Variants in ARRDC1 observed in about 807,000 individuals in gnomAD.
ARRDC1 encodes arrestin domain containing 1, also known as arrestin domain-containing protein 1.
In ARRDC1, 37 loss-of-function variants were observed where a neutral mutation model predicts 40.1. The ratio of observed to expected loss-of-function variants is 0.92; its 90% CI spans 0.71 to 1.21. The LOEUF is 1.21. ARRDC1 is among the 50% of genes most tolerant of loss of function. The pLI, the probability that ARRDC1 is intolerant of heterozygous loss-of-function variation, is 0.00. For synonymous variants in ARRDC1, 310 were observed against 262.5 expected, an observed-to-expected ratio of 1.18 and a Z score of -1.75; for missense variants, 641 against 581.9, an observed-to-expected ratio of 1.10 and a Z score of -1.04.
intron 1 of ARRDC1, among the ~76,000 whole-genome samples, chr9:137,608,152 T>C (rs1179726572): frequency 6.6e-6 from 1 of 151,994 alleles, no homozygotes; most frequent in East Asian, 1.9e-4. Context: ...CCGGCTAATT[T>C]GTGTATTTTT....
chr9:137,615,155 C>T lies in ARRDC1; in HGVS notation c.*17C>T. The T allele has an allele frequency of 6.6e-7, 1 of 1,518,778 alleles. No homozygotes were observed. The highest frequency in any genetic ancestry group is 8.8e-7 in the Non-Finnish European group (1 of 1,134,016). 94.1% of individuals were successfully genotyped at this position (1,518,778 alleles called of 1,614,324 possible). On this transcript the variant is annotated 3_prime_UTR_variant, in exon 8 of 8. Transcript: ENST00000371421. ...GAGAGCTGACCCCGTGCTGCCTTCT[C>T]CAGGCAGGCCTGGCCTCTGCCCTGG...
intron 1 of ARRDC1, among the ~76,000 whole-genome samples, chr9:137,610,883 G>C (rs1479319064): frequency 1.3e-5 from 2 of 152,110 alleles, no homozygotes; most frequent in Non-Finnish European, 1.5e-5. Flanking sequence ...TTTTAGTAGA[G>C]ATGGGGTTTC....
Position 137,613,026 on chromosome 9 carries a change from C to A in ARRDC1, c.229+20C>A. 1.3e-6 allele frequency: 2 copies of A among 1,592,130 alleles called. No homozygotes were observed. The highest frequency in any genetic ancestry group is 2.2e-5 in the East Asian group (1 of 44,678). On this transcript the variant is annotated intron_variant, in intron 2 of 7. Coordinates refer to ENST00000371421, the MANE Select transcript of ARRDC1 (RefSeq NM_152285.4). ...ACAAGGGTAAGTTTGGGAGCCAGTT[C>A]CCGAGTGGTGACCCCTGGGGGCAGC...
rs1309469247 is a variant in ARRDC1, at chr9:137,614,424, C to T, written c.744C>T (p.Pro248=). The T allele has an allele frequency of 6.2e-7, 1 of 1,613,294 alleles. No homozygotes were observed. The highest frequency in any genetic ancestry group is 8.5e-7 in the Non-Finnish European group (1 of 1,179,942). ...WHEQILVPAL[P]QSALPGCSLI... Reference sequence around the variant, plus strand: ...AGCAGATCCTGGTGCCTGCCTTGCCCCAGTCGGCCCTGCCGGGCTGCAGCC... The same window carrying T: ...AGCAGATCCTGGTGCCTGCCTTGCCTCAGTCGGCCCTGCCGGGCTGCAGCC... The change falls in exon 6 of 8, where the codon CCC becomes CCT. Residue 248 remains proline (P), a synonymous_variant. Transcript: ENST00000371421.
chr9:137,611,278 G>A (rs900337179), intron 1 of ARRDC1, among the ~76,000 whole-genome samples: 2 of 152,194 alleles, frequency 1.3e-5, no homozygotes, highest in Non-Finnish European at 2.9e-5. Context: ...GCTGGGTACC[G>A]TGGCTCATGC....
chr9:137,611,139 G>A (rs958181215), intron 1 of ARRDC1, among the ~76,000 whole-genome samples: 2 of 152,210 alleles, frequency 1.3e-5, no homozygotes, highest in Non-Finnish European at 2.9e-5. Context: ...ATGCCCATGT[G>A]CTTCTGTTGG....
At position 137,613,414 on chromosome 9, in the gene ARRDC1, C is replaced by T. The variant is rs532765467; in HGVS notation, c.230-46C>T. ...ATCCTGGCCCTGTGGCCACCTCAGG[C>T]CACCTCAGGGGGGGACTGCCCCCCA... On this transcript the variant is annotated intron_variant, in intron 2 of 7. Transcript: ENST00000371421. The T allele has an allele frequency of 6.9e-6, 11 of 1,590,202 alleles. No homozygotes were observed. In the South Asian group the frequency reaches 1.0e-4, roughly 15 times the overall value.
At position 137,614,298 on chromosome 9, in the gene ARRDC1, GA is replaced by G; in HGVS notation, c.621del (p.Val208CysfsTer61). The G allele has an allele frequency of 1.3e-6, 2 of 1,589,570 alleles. No individual in the cohort carries two copies. The highest frequency in any genetic ancestry group is 1.7e-4 in the Middle Eastern group (1 of 5,922). On this transcript the variant is annotated frameshift_variant and splice_region_variant, in exon 6 of 8. Coordinates refer to ENST00000371421, the MANE Select transcript of ARRDC1 (RefSeq NM_152285.4). LOFTEE classifies it high-confidence loss of function. ...TSPVVASLLQ[K>X]VSYKAKRWIH... ...AGGCTCACAGGCTGGTCCTTCCCCA[GA>G]AAGTGTCCTATAAGGCCAAGCGCTG... is the stretch of plus-strand genomic sequence containing the variant.
chr9:137,613,361 G>A (rs1484190432), intron 2 of ARRDC1, 99 bp from the exon 3 acceptor site: 1 of 1,338,858 alleles, frequency 7.5e-7, no homozygotes, highest in Non-Finnish European at 1.0e-6. Flanking sequence ...GACCCAGTGT[G>A]AGCTGGTCAG....
At chr9:137,607,335 C>T (rs1842441086) in intron 1 of ARRDC1, among the ~76,000 whole-genome samples, 1 of 152,192 alleles carries the variant, frequency 6.6e-6, no homozygotes, top group African/African-American at 2.4e-5. Flanking sequence ...TAGGGAGGCC[C>T]TCAGCCCCCA....
intron 1 of ARRDC1, chr9:137,611,910 G>A (rs1382932632): frequency 6.6e-6 from 1 of 152,326 alleles, no homozygotes; most frequent in Non-Finnish European, 1.5e-5. Flanking sequence ...TCGGCACACC[G>A]GTACTCCTCC....
At chr9:137,610,451 A>C (rs919426042) in intron 1 of ARRDC1, among the ~76,000 whole-genome samples, 1 of 151,698 alleles carries the variant, frequency 6.6e-6, no homozygotes, top group Non-Finnish European at 1.5e-5. Flanking sequence ...GCTAAAGTGC[A>C]TTTGTGCGAT....
intron 1 of ARRDC1, chr9:137,611,913 ACTC>A (rs894826348): frequency 6.6e-6 from 1 of 152,166 alleles, no homozygotes; most frequent in East Asian, 1.9e-4. Context: ...GCACACCGGT[ACTC>A]CTCCTGCCTG....
In ARRDC1 at chr9:137,612,936, C is replaced by G. The variant is rs370344956; in HGVS notation, c.159C>G (p.Asn53Lys). ...GCATAGGTTCCTGCGGGGTCTCCAA[C>G]AAGGCTAATGACACAGCGTGGGTAG... ...VTCIGSCGVSNKANDTAWVVE... is the reference protein window; with the variant it reads ...VTCIGSCGVSKKANDTAWVVE... The change falls in exon 2 of 8, where the codon AAC becomes AAG. Residue 53 changes from asparagine (N) to lysine (K), a missense_variant. Asn to Lys is a moderately conservative substitution (Grantham distance 94). Coordinates refer to ENST00000371421, the MANE Select transcript of ARRDC1 (RefSeq NM_152285.4). 9.9e-6 allele frequency: 16 copies of G among 1,614,066 alleles called. No individual in the cohort carries two copies. The highest frequency in any genetic ancestry group is 4.0e-5 in the African/African-American group (3 of 74,948).
chr9:137,610,858 C>T (rs945356540), intron 1 of ARRDC1, among the ~76,000 whole-genome samples: 4 of 152,142 alleles, frequency 2.6e-5, no homozygotes, highest in Admixed American at 6.6e-5. Flanking sequence ...CCACCGTGCC[C>T]GGCCTTTTTT....
chr9:137,614,935 G>A lies in ARRDC1; in HGVS notation c.1172G>A (p.Gly391Glu). Residue 391 changes from glycine to glutamate, a missense_variant, in exon 7 of 8, where the codon GGG becomes GAG. Gly to Glu is a moderately conservative substitution (Grantham distance 98, BLOSUM62 -2). Coordinates refer to ENST00000371421, the MANE Select transcript of ARRDC1 (RefSeq NM_152285.4). ...TVPYFAEGSG[G>E]PVPTTSTLIL... is the part of the protein sequence containing the mutation. ...CCCTACTTTGCAGAGGGCTCCGGGGGGCCAGTGCCCACTACCAGCACCTTG... is the reference window on the plus strand; with the variant it reads ...CCCTACTTTGCAGAGGGCTCCGGGGAGCCAGTGCCCACTACCAGCACCTTG... 2.5e-6 allele frequency: 4 copies of A among 1,613,920 alleles called. No homozygotes were observed. Among genetic ancestry groups the A allele is most frequent in the Non-Finnish European group, 3.4e-6 (4 of 1,179,988 alleles).
At chr9:137,610,371 C>T (rs1842493209) in intron 1 of ARRDC1, among the ~76,000 whole-genome samples, 1 of 152,050 alleles carries the variant, frequency 6.6e-6, no homozygotes. Context: ...CCCTTTCCGG[C>T]ATCCTCTGTG....
intron 2 of ARRDC1, chr9:137,613,217 C>T (rs1842570828): frequency 1.4e-6 from 1 of 738,674 alleles, no homozygotes; most frequent in Non-Finnish European, 2.4e-6. Context: ...TGGGTGGGCT[C>T]TGACCCCTGG....
Position 137,615,061 on chromosome 9 carries a change from T to C in ARRDC1, c.1238-13T>C. On this transcript the variant is annotated splice_polypyrimidine_tract_variant and intron_variant, in intron 7 of 7. Transcript: ENST00000371421. The stretch of plus-strand genomic sequence containing the variant: ...GCCAAGAGCCCCACGCAGACCCTGC[T>C]TTCTTCCCGCAGAGGCCCCACCGTC... The C allele has an allele frequency of 6.2e-7, 1 of 1,606,722 alleles. No individual in the cohort carries two copies.
Sources: gnomAD v4.1 joint callset for allele counts (sites outside exome capture counted in the v4.1 genomes callset) on GRCh38, gnomAD v4.1.1 for gene constraint, MANE v1.5 for transcripts, NCBI Gene and HGNC (gene_info 2026-07-23, HGNC 2026-07-21) for gene names.